CSMD1: variants seen among roughly 807,000 people sequenced by gnomAD.
CSMD1 encodes the protein CUB and sushi domain-containing protein 1.
CSMD1 carries 213 observed loss-of-function variants against 417.5 expected under a neutral mutation model. That is an observed-to-expected ratio of 0.51 (90% confidence interval 0.46 to 0.57). The LOEUF (loss-of-function observed/expected upper bound fraction) is 0.57. Among genes scored for constraint, CSMD1 ranks in the 20% least tolerant of loss-of-function variants. The probability of loss-of-function intolerance (pLI) is 0.00; values close to 1 mark genes in which losing one functional copy is unlikely to be tolerated. For synonymous variants in CSMD1, 2,862 were observed against 1,736.8 expected (o/e 1.65, Z -16.11); for missense variants, 6,923 against 4,529.7 (o/e 1.53, Z -15.17).
At chr8:4,353,505 C>A (rs1310664699) in intron 3 of CSMD1, among the ~76,000 whole-genome samples, 1 of 151,928 alleles carries the variant, frequency 6.6e-6, no homozygotes, top group African/African-American at 2.4e-5. Flanking sequence ...TCAAATGAAT[C>A]CACTGCATAT....
chr8:4,816,129 C>G (rs1001691693), intron 1 of CSMD1, among the ~76,000 whole-genome samples: 3 of 152,008 alleles, frequency 2.0e-5, no homozygotes, highest in Non-Finnish European at 2.9e-5. Context: ...CATCAGACTT[C>G]AAGTTTGTCT....
At chr8:4,652,085 AAC>A (rs1245279797) in intron 1 of CSMD1, among the ~76,000 whole-genome samples, 1 of 152,196 alleles carries the variant, frequency 6.6e-6, no homozygotes, top group Non-Finnish European at 1.5e-5. Flanking sequence ...TCAAATCTTT[AAC>A]ACAATTTTTT....
In CSMD1 at chr8:3,948,438, T is replaced by G. The variant is rs114154046; in HGVS notation, c.818+49465A>C. On this transcript the variant is annotated intron_variant, in intron 5 of 69. Transcript: ENST00000635120. The stretch of plus-strand genomic sequence containing the variant: ...AATAGGGGAAAGACGTTAGGTTTTG[T>G]GACACACTTTGAATGTGACCCTTCT... Among the ~76,000 whole-genome samples, 1,078 of 152,252 alleles carry G rather than the reference T, an allele frequency of 7.1e-3. 18 individuals are homozygous for G. Among genetic ancestry groups the G allele is most frequent in the African/African-American group, 0.025 (1,046 of 41,552 alleles).
chr8:4,743,972 G>A (rs1466208183), intron 1 of CSMD1, among the ~76,000 whole-genome samples: 1 of 152,090 alleles, frequency 6.6e-6, no homozygotes, highest in Non-Finnish European at 1.5e-5. Context: ...TGAGATGACG[G>A]ACTCTAAAAC....
chr8:3,880,222 T>G (rs957723583), intron 5 of CSMD1, among the ~76,000 whole-genome samples: 2 of 152,172 alleles, frequency 1.3e-5, no homozygotes, highest in African/African-American at 4.8e-5. Flanking sequence ...CAATTTCAGG[T>G]GCAATTCTAT....
chr8:4,454,218 AC>A (rs1348443831), intron 2 of CSMD1, among the ~76,000 whole-genome samples: 1 of 151,190 alleles, frequency 6.6e-6, no homozygotes, highest in African/African-American at 2.4e-5. Flanking sequence ...CTCCTTATCC[AC>A]CCCCAACACC....
intron 48 of CSMD1, among the ~76,000 whole-genome samples, chr8:3,088,726 C>G (rs1814712895): frequency 1.3e-5 from 2 of 151,620 alleles, no homozygotes; most frequent in South Asian, 4.2e-4. Flanking sequence ...GTTCTACCTC[C>G]AGTTATTTCT....
intron 41 of CSMD1, among the ~76,000 whole-genome samples, chr8:3,119,129 G>A (rs1026311965): frequency 1.3e-5 from 2 of 152,020 alleles, no homozygotes; most frequent in Admixed American, 6.5e-5. Context: ...GCAGTGAGCC[G>A]AGATCTTGCC....
intron 5 of CSMD1, among the ~76,000 whole-genome samples, chr8:3,981,325 G>A (rs528143223): frequency 1.9e-4 from 29 of 152,066 alleles, no homozygotes; most frequent in East Asian, 3.9e-4. Flanking sequence ...TGATAACAGC[G>A]GATTTTGGGG....
At chr8:4,737,297 G>C (rs893608273) in intron 1 of CSMD1, among the ~76,000 whole-genome samples, 1 of 152,034 alleles carries the variant, frequency 6.6e-6, no homozygotes, top group African/African-American at 2.4e-5. Flanking sequence ...AGAACACATG[G>C]AGACATGGGG....
intron 11 of CSMD1, among the ~76,000 whole-genome samples, chr8:3,486,633 A>T (rs573636570): frequency 9.8e-5 from 15 of 152,350 alleles, no homozygotes; most frequent in Admixed American, 9.8e-4. Flanking sequence ...AGCCCAGATT[A>T]GCTGAAATGG....
chr8:3,418,277 T>C (rs75921968), intron 12 of CSMD1, among the ~76,000 whole-genome samples: 9,942 of 152,148 alleles, frequency 0.065, 387 homozygotes, highest in East Asian at 0.16. Context: ...ACCACAGAAA[T>C]GAACTGTCTC....
At chr8:4,462,107 T>G (rs892235429) in intron 2 of CSMD1, among the ~76,000 whole-genome samples, 2 of 151,940 alleles carry the variant, frequency 1.3e-5, no homozygotes, top group Non-Finnish European at 2.9e-5. Context: ...ACTCCTGGGC[T>G]CAAGGGATCC....
intron 7 of CSMD1, among the ~76,000 whole-genome samples, chr8:3,639,653 C>G (rs1797211052): frequency 1.3e-5 from 2 of 152,172 alleles, no homozygotes; most frequent in African/African-American, 4.8e-5. Flanking sequence ...AACACTGTAT[C>G]AAAACATAAG....
At chr8:4,399,878 A>G (rs1451664464) in intron 3 of CSMD1, among the ~76,000 whole-genome samples, 2 of 152,212 alleles carry the variant, frequency 1.3e-5, no homozygotes, top group African/African-American at 4.8e-5. Context: ...GTACCAAAGT[A>G]GTAAATATCA....
chr8:4,087,775 T>C (rs1286859935), intron 3 of CSMD1, among the ~76,000 whole-genome samples: 1 of 152,210 alleles, frequency 6.6e-6, no homozygotes, highest in East Asian at 1.9e-4. Flanking sequence ...CTATATTTTC[T>C]CTTTTATATT....
chr8:3,343,245 T>G (rs1470794816), intron 23 of CSMD1, 49 bp downstream of exon 23: 1 of 1,506,452 alleles, frequency 6.6e-7, no homozygotes, highest in South Asian at 1.1e-5. Flanking sequence ...GTATCAGATA[T>G]GTCCTGACAA....
chr8:3,433,973 A>C (rs12677671), intron 12 of CSMD1, among the ~76,000 whole-genome samples: 4,066 of 152,296 alleles, frequency 0.027, 276 homozygotes, highest in East Asian at 0.21. Flanking sequence ...CTGGAAGTCT[A>C]ACGATTTCCT....
At chr8:3,980,955 G>T (rs749754849) in intron 5 of CSMD1, among the ~76,000 whole-genome samples, 1 of 152,134 alleles carries the variant, frequency 6.6e-6, no homozygotes, top group South Asian at 2.1e-4. Context: ...TTCCCATAAA[G>T]AGTAGGGGCC....
Sources: allele counts gnomAD v4.1 joint callset (sites outside exome capture counted in the v4.1 genomes callset), GRCh38; gene constraint gnomAD v4.1.1; transcripts MANE v1.5; gene names NCBI Gene and HGNC (gene_info 2026-07-23, HGNC 2026-07-21).